The following EPB41L1 variants were observed in gnomAD, a reference collection of about 807,000 sequenced individuals.
EPB41L1 encodes the protein erythrocyte membrane protein band 4.1 like 1.
EPB41L1 carries 29 observed loss-of-function variants against 97.8 expected under a neutral mutation model. That is an observed-to-expected ratio of 0.30 (90% confidence interval 0.22 to 0.40). The LOEUF is 0.40. Ranked by LOEUF, EPB41L1 falls within the 10% of genes least tolerant of loss-of-function variation. The pLI is 1.00. For missense variants in EPB41L1, 812 were observed against 1,162.3 expected, an observed-to-expected ratio of 0.70 and a Z score of 4.38; for synonymous variants, 383 against 459.2, an observed-to-expected ratio of 0.83 and a Z score of 2.12.
intron 17 of EPB41L1, among the ~76,000 whole-genome samples, chr20:36,218,301 TG>T (rs2063560413): frequency 1.3e-5 from 2 of 152,222 alleles, no homozygotes; most frequent in African/African-American, 4.8e-5. Context: ...AGATGAGGCA[TG>T]TAACATCCTT....
chr20:36,123,739 T>C (rs1051959450), intron 2 of EPB41L1, among the ~76,000 whole-genome samples: 1 of 152,124 alleles, frequency 6.6e-6, no homozygotes, highest in South Asian at 2.1e-4. Flanking sequence ...GGCAGAAAAT[T>C]TAAGTTCTGA....
chr20:36,127,258 T>C (rs909889751), intron 2 of EPB41L1, among the ~76,000 whole-genome samples: 1 of 152,166 alleles, frequency 6.6e-6, no homozygotes, highest in Admixed American at 6.5e-5. Context: ...CGGAATACAG[T>C]CTGCATCCCC....
At chr20:36,133,245 A>G (rs2059289784) in intron 2 of EPB41L1, among the ~76,000 whole-genome samples, 1 of 152,116 alleles carries the variant, frequency 6.6e-6, no homozygotes, top group Admixed American at 6.5e-5. Context: ...AGATCCAACT[A>G]CCCTTTGGTA....
chr20:36,144,357 G>T (rs1425060858), intron 2 of EPB41L1, among the ~76,000 whole-genome samples: 1 of 152,132 alleles, frequency 6.6e-6, no homozygotes, highest in Non-Finnish European at 1.5e-5. Flanking sequence ...ACCTACAGTA[G>T]GCAGGATCAC....
Position 36,212,328 on chromosome 20 carries a change from G to A in EPB41L1, c.2136G>A (p.Glu712=), listed in dbSNP as rs781080703. 2 of 1,614,088 alleles carry A rather than the reference G, an allele frequency of 1.2e-6. No individual in the cohort carries two copies. The highest frequency in any genetic ancestry group is 2.7e-5 in the African/African-American group (2 of 74,928). The change falls in exon 16 of 22, where the codon GAG becomes GAA. Residue 712 remains glutamate, a synonymous_variant. Transcript: ENST00000338074. This position sits in a 1 kb window ranked among gnomAD's most constrained non-coding sequence, Gnocchi z 4.8. ...VSSLAIRKKI[E]PEAVLQTRVS... The stretch of plus-strand genomic sequence containing the variant: ...GTCTGGCCATTAGAAAGAAGATTGA[G>A]CCGGAGGCCGTACTGCAGACCAGAG...
chr20:36,199,755 A>G (rs1475558564), intron 14 of EPB41L1, among the ~76,000 whole-genome samples: 2 of 152,188 alleles, frequency 1.3e-5, no homozygotes, highest in Non-Finnish European at 1.5e-5. Flanking sequence ...CCCCTAATCA[A>G]TCCTGATGTG....
intron 2 of EPB41L1, among the ~76,000 whole-genome samples, chr20:36,138,944 G>A (rs906998109): frequency 2.6e-5 from 4 of 152,132 alleles, no homozygotes; most frequent in African/African-American, 4.8e-5. Flanking sequence ...AACAACTTAA[G>A]TAAAGGCCCT....
intron 2 of EPB41L1, chr20:36,148,887 A>G (rs962133518): frequency 3.3e-5 from 5 of 152,280 alleles, no homozygotes; most frequent in African/African-American, 1.2e-4. Flanking sequence ...AGTAGAGGCA[A>G]GGATGAGATG....
chr20:36,179,671 C>T (rs1569224103), intron 5 of EPB41L1, among the ~76,000 whole-genome samples: 1 of 152,250 alleles, frequency 6.6e-6, no homozygotes, highest in Non-Finnish European at 1.5e-5. Flanking sequence ...GGCCCCTCCC[C>T]CTTGGCTGTG....
intron 2 of EPB41L1, among the ~76,000 whole-genome samples, chr20:36,133,164 A>G (rs1362820017): frequency 6.6e-6 from 1 of 152,200 alleles, no homozygotes; most frequent in Non-Finnish European, 1.5e-5. Context: ...GGCCTGGTCC[A>G]CCAGCGTTGA....
At chr20:36,094,651 G>A (rs866777064) in intron 1 of EPB41L1, among the ~76,000 whole-genome samples, 1 of 152,152 alleles carries the variant, frequency 6.6e-6, no homozygotes, top group Non-Finnish European at 1.5e-5. Flanking sequence ...TGGGTGATAG[G>A]ATTGGGGGCC....
chr20:36,222,156 T>C (rs2063818713), intron 20 of EPB41L1, 122 bp from the exon 21 acceptor site: 2 of 1,035,250 alleles, frequency 1.9e-6, no homozygotes, highest in Non-Finnish European at 3.0e-6. Flanking sequence ...TTTAGTTGTT[T>C]GACTTTGCCC....
chr20:36,104,859 G>T (rs953797522), intron 1 of EPB41L1, among the ~76,000 whole-genome samples: 5 of 152,156 alleles, frequency 3.3e-5, no homozygotes, highest in African/African-American at 1.2e-4. Context: ...CTGGCCTCGC[G>T]CGCTCTGGAT....
chr20:36,144,812 T>C (rs2059774200), intron 2 of EPB41L1, among the ~76,000 whole-genome samples: 1 of 152,222 alleles, frequency 6.6e-6, no homozygotes. Context: ...TACTATAAGT[T>C]AGACACTCTT....
chr20:36,211,508 C>T (rs2063131795), intron 15 of EPB41L1, among the ~76,000 whole-genome samples: 1 of 152,200 alleles, frequency 6.6e-6, no homozygotes, highest in Non-Finnish European at 1.5e-5. Context: ...CACTCATTGA[C>T]ATCTCCTGCC....
chr20:36,190,175 C>T lies in EPB41L1; in HGVS notation c.1027-102C>T. ...TGGGCAAATGATCGAGACCCTGTGT[C>T]TCAAAAAAACATTAAACAAATAAAA... On this transcript the variant is annotated intron_variant, in intron 9 of 21. Coordinates refer to ENST00000338074, the MANE Select transcript of EPB41L1 (RefSeq NM_012156.2). This position sits in a 1 kb window ranked among gnomAD's most constrained non-coding sequence, Gnocchi z 5.8. 1.0e-6 allele frequency: 1 copy of T among 979,376 alleles called. No homozygotes were observed. The highest frequency in any genetic ancestry group is 2.6e-5 in the East Asian group (1 of 38,208). The allele number at this position is 979,376 out of a possible 1,614,324, so 60.7% of individuals were successfully genotyped here.
At chr20:36,135,380 T>G (rs1196588811) in intron 2 of EPB41L1, among the ~76,000 whole-genome samples, 2 of 152,196 alleles carry the variant, frequency 1.3e-5, no homozygotes, top group African/African-American at 4.8e-5. Context: ...GGTCTTGGCC[T>G]TAGGGACTGA....
intron 1 of EPB41L1, among the ~76,000 whole-genome samples, chr20:36,108,260 A>G (rs965939660): frequency 3.3e-5 from 5 of 152,094 alleles, no homozygotes; most frequent in African/African-American, 9.7e-5. Context: ...GATTACAGGC[A>G]TGAACCACCG....
chr20:36,098,166 C>CTGAAAGGTGTCG (rs1356983736), intron 1 of EPB41L1, among the ~76,000 whole-genome samples: 6 of 152,172 alleles, frequency 3.9e-5, no homozygotes, highest in Non-Finnish European at 7.4e-5. Flanking sequence ...TCACGACAGC[C>CTGAAAGGTGTCG]TGGCCCTGGA....
Sources: gnomAD v4.1 joint callset for allele counts (sites outside exome capture counted in the v4.1 genomes callset) on GRCh38, gnomAD v4.1.1 for gene constraint, Gnocchi (gnomAD v3.1) non-coding constraint, MANE v1.5 for transcripts, NCBI Gene and HGNC (gene_info 2026-07-23, HGNC 2026-07-21) for gene names.